Variants in SPON1 observed in about 807,000 individuals in gnomAD.
SPON1 encodes spondin 1.
In SPON1, 52 loss-of-function variants were observed where a neutral mutation model predicts 111.7. The observed-to-expected ratio is 0.47, with a 90% CI of 0.37 to 0.59. SPON1 has a LOEUF of 0.59. Among genes scored for constraint, SPON1 ranks in the 20% least tolerant of loss-of-function variants. The pLI, the probability that SPON1 is intolerant of heterozygous loss-of-function variation, is 0.00. For missense variants in SPON1, 957 were observed against 1,068.5 expected (o/e 0.90, Z 1.46); for synonymous variants, 410 against 395.8 (o/e 1.04, Z -0.43).
At chr11:14,234,741 A>G (rs1848843257) in intron 6 of SPON1, among the ~76,000 whole-genome samples, 2 of 152,204 alleles carry the variant, frequency 1.3e-5, no homozygotes. Flanking sequence ...CCACAAAACC[A>G]TCTCAGGGGA....
intron 5 of SPON1, among the ~76,000 whole-genome samples, chr11:14,111,608 T>G (rs1554925463): frequency 6.6e-6 from 1 of 152,166 alleles, no homozygotes. Context: ...AAACAATGAG[T>G]TGAAAATATA....
chr11:13,990,373 CTTTTTTTTTTTTTTTTTTT>C (rs1159719282), intron 2 of SPON1, among the ~76,000 whole-genome samples: 1 of 21,670 alleles, frequency 4.6e-5, no homozygotes, highest in Non-Finnish European at 1.0e-4. Context: ...GCAACTCCTG[CTTTTTTTTTTTTTTTTTTT>C]TTTTTTTTTT....
intron 1 of SPON1, among the ~76,000 whole-genome samples, chr11:13,981,323 G>T (rs1554909602): frequency 6.6e-6 from 1 of 152,012 alleles, no homozygotes; most frequent in African/African-American, 2.4e-5. Context: ...GATTTTTTTT[G>T]TTGCTTTTGT....
chr11:14,235,818 C>A (rs2133914759), intron 6 of SPON1, among the ~76,000 whole-genome samples: 1 of 151,718 alleles, frequency 6.6e-6, no homozygotes, highest in South Asian at 2.1e-4. Context: ...CTGCCATGGA[C>A]ATCAAAGTCC....
rs571840408 is a variant in SPON1, at chr11:14,259,049, G to A, written c.1493-231G>A. On this transcript the variant is annotated intron_variant, in intron 11 of 15. Transcript: ENST00000576479. This position sits in a 1 kb window ranked among gnomAD's most constrained non-coding sequence, Gnocchi z 5.0. ...CATCCTTTCCATACAAGCATCTTTC[G>A]AATGTATTTTCATGAGATAAAGAGT... Among the ~76,000 whole-genome samples the A allele has an allele frequency of 1.4e-4, 21 of 152,254 alleles. No individual in the cohort carries two copies. The South Asian group carries it at 3.9e-3, about 29-fold the overall frequency.
chr11:14,024,070 T>G lies in SPON1; in HGVS notation c.346-17451T>G, dbSNP rs112116291. ...ATCTCCCTCACAAGGCATGTGACAG[T>G]GGTATGGCTTGGCTGCTTCAGTGCC... is the stretch of plus-strand genomic sequence containing the variant. On this transcript the variant is annotated intron_variant, in intron 2 of 15. Coordinates refer to ENST00000576479, the MANE Select transcript of SPON1 (RefSeq NM_006108.4). Among the ~76,000 whole-genome samples the G allele has an allele frequency of 4.3e-3, 639 of 150,318 alleles. 4 individuals are homozygous for G. The highest frequency in any genetic ancestry group is 0.014 in the African/African-American group (584 of 40,888).
At chr11:14,123,461 A>C (rs1847416882) in intron 5 of SPON1, among the ~76,000 whole-genome samples, 1 of 152,110 alleles carries the variant, frequency 6.6e-6, no homozygotes, top group Non-Finnish European at 1.5e-5. Context: ...CTAGGGTTTC[A>C]GTTGAACATA....
At chr11:14,178,778 T>C (rs1417091563) in intron 6 of SPON1, among the ~76,000 whole-genome samples, 1 of 150,688 alleles carries the variant, frequency 6.6e-6, no homozygotes, top group East Asian at 2.0e-4. Context: ...TAATTACACA[T>C]CCCTCATTTA....
At position 14,254,668 on chromosome 11, in the gene SPON1, A is replaced by C. The variant is rs1238332776; in HGVS notation, c.1031A>C (p.Gln344Pro). 1 of 1,613,910 alleles carries C rather than the reference A, an allele frequency of 6.2e-7. No homozygotes were observed. The highest frequency in any genetic ancestry group is 8.5e-7 in the Non-Finnish European group (1 of 1,179,904). ...TGCACCAAGGAATGTGGCTGGGTCC[A>C]GAAGGTGGTGCAAGACCTGATTCCC... ...DLCTKECGWV[Q>P]KVVQDLIPWD... The change falls in exon 8 of 16, where the codon CAG becomes CCG. Residue 344 changes from glutamine to proline, a missense_variant. By Grantham distance (76) the Gln-to-Pro change is moderately conservative. Transcript: ENST00000576479.
intron 5 of SPON1, among the ~76,000 whole-genome samples, chr11:14,130,867 T>C (rs181631645): frequency 0.029 from 4,410 of 150,770 alleles, 97 homozygotes; most frequent in Non-Finnish European, 0.047. Flanking sequence ...TTCAGAGCAG[T>C]CATAAAAAAT....
At chr11:14,233,814 G>C (rs1848832188) in intron 6 of SPON1, among the ~76,000 whole-genome samples, 1 of 144,920 alleles carries the variant, frequency 6.9e-6, no homozygotes, top group Non-Finnish European at 1.5e-5. Flanking sequence ...CCAGTCTGGA[G>C]TGCAATGGTA....
At chr11:14,106,750 A>T (rs1554924967) in intron 5 of SPON1, among the ~76,000 whole-genome samples, 1 of 152,218 alleles carries the variant, frequency 6.6e-6, no homozygotes, top group Non-Finnish European at 1.5e-5. Context: ...GTAGCCCTGC[A>T]GTAAAGCTGA....
intron 6 of SPON1, among the ~76,000 whole-genome samples, chr11:14,213,761 G>A: frequency 6.6e-6 from 1 of 152,216 alleles, no homozygotes; most frequent in East Asian, 1.9e-4. Context: ...AAGCCACGCT[G>A]TACTGAAGTA....
intron 5 of SPON1, among the ~76,000 whole-genome samples, chr11:14,093,708 C>T (rs148958779): frequency 3.0e-4 from 46 of 152,252 alleles, no homozygotes; most frequent in African/African-American, 9.6e-4. Flanking sequence ...GAAAAACCAC[C>T]GCTCTAACAC....
At chr11:14,153,982 C>T (rs1238926714) in intron 6 of SPON1, among the ~76,000 whole-genome samples, 5 of 152,244 alleles carry the variant, frequency 3.3e-5, no homozygotes, top group Admixed American at 1.3e-4. Context: ...CTCCATGTCT[C>T]ACATCCAGGC....
chr11:13,989,064 A>C (rs1291568161), intron 2 of SPON1, among the ~76,000 whole-genome samples: 1 of 152,202 alleles, frequency 6.6e-6, no homozygotes, highest in African/African-American at 2.4e-5. Flanking sequence ...TGGCCTCATA[A>C]AATGAATTAG....
At position 14,176,766 on chromosome 11, in the gene SPON1, C is replaced by G. The variant is rs552225117; in HGVS notation, c.825+41198C>G. On this transcript the variant is annotated intron_variant, in intron 6 of 15. Transcript: ENST00000576479. ...CAGTCCCCAGCCCAAGAGAACTAGG[C>G]GACTGCTTGGGTTGGCTTCTGGATC... Among the ~76,000 whole-genome samples the G allele has an allele frequency of 8.5e-5, 13 of 152,252 alleles. No individual in the cohort carries two copies. In the East Asian group the frequency reaches 2.5e-3, roughly 29 times the overall value.
intron 5 of SPON1, among the ~76,000 whole-genome samples, chr11:14,133,212 A>G (rs1434873657): frequency 1.3e-5 from 2 of 152,204 alleles, no homozygotes; most frequent in Admixed American, 6.5e-5. Context: ...CCTGTTCCCA[A>G]CTATGTCAAG....
intron 6 of SPON1, among the ~76,000 whole-genome samples, chr11:14,194,282 C>T (rs1848377730): frequency 1.3e-5 from 2 of 152,116 alleles, no homozygotes. Context: ...CCTCTGAGTC[C>T]TTACACAGCA....
Sources: allele counts gnomAD v4.1 joint callset (sites outside exome capture counted in the v4.1 genomes callset), GRCh38; gene constraint gnomAD v4.1.1; non-coding constraint Gnocchi (gnomAD v3.1); transcripts MANE v1.5; gene names NCBI Gene and HGNC (gene_info 2026-07-23, HGNC 2026-07-21).